Variants in TMEM120B observed in about 807,000 individuals in gnomAD.
TMEM120B encodes transmembrane protein 120B.
In TMEM120B, 31 loss-of-function variants were observed where a neutral mutation model predicts 55.5. The ratio of observed to expected loss-of-function variants is 0.56; its 90% CI spans 0.42 to 0.75. TMEM120B has a LOEUF of 0.75. Among genes scored for constraint, TMEM120B ranks in the 30% least tolerant of loss-of-function variants. The pLI is 0.00. For missense variants in TMEM120B, 399 were observed against 425.5 expected, an observed-to-expected ratio of 0.94 and a Z score of 0.55; for synonymous variants, 203 against 176.3, an observed-to-expected ratio of 1.15 and a Z score of -1.20.
In TMEM120B at chr12:121,781,477, A is replaced by G. The variant is rs1874454902; in HGVS notation, c.*5755A>G. 5.4e-6 allele frequency: 2 copies of G among 369,054 alleles called. No individual in the cohort carries two copies. Among genetic ancestry groups the G allele is most frequent in the African/African-American group, 2.1e-5 (1 of 48,254 alleles). The allele number at this position is 369,054 out of a possible 1,614,324, so 22.9% of individuals were successfully genotyped here. On this transcript the variant is annotated 3_prime_UTR_variant, in exon 12 of 12. Transcript: ENST00000449592. ...CAGAGCGAGACCCTGTCTCTTAACAACAAAACCCATGAGCGGCAGCCCCCC... is the reference window on the plus strand; with the variant it reads ...CAGAGCGAGACCCTGTCTCTTAACAGCAAAACCCATGAGCGGCAGCCCCCC...
At chr12:121,744,954 T>G (rs531077675) in intron 2 of TMEM120B, among the ~76,000 whole-genome samples, 1 of 151,868 alleles carries the variant, frequency 6.6e-6, no homozygotes, top group African/African-American at 2.4e-5. Flanking sequence ...GGGCTCAGAG[T>G]CTAGAGTTTC....
intron 1 of TMEM120B, among the ~76,000 whole-genome samples, chr12:121,734,022 T>C (rs1393715570): frequency 1.3e-5 from 2 of 152,156 alleles, no homozygotes; most frequent in Non-Finnish European, 2.9e-5. Context: ...AATTAAGTAG[T>C]TTCTTTGTCA....
intron 4 of TMEM120B, among the ~76,000 whole-genome samples, chr12:121,750,921 CCACA>C (rs1873285672): frequency 9.1e-6 from 1 of 109,714 alleles, no homozygotes. Context: ...CACCCCACAC[CCACA>C]CCTCACCCCA....
At chr12:121,723,915 C>T (rs1357195688) in intron 1 of TMEM120B, among the ~76,000 whole-genome samples, 1 of 151,910 alleles carries the variant, frequency 6.6e-6, no homozygotes, top group African/African-American at 2.4e-5. Flanking sequence ...ATCCTCCTGT[C>T]TCAGTCTCGC....
At chr12:121,719,859 C>A (rs1345914876) in intron 1 of TMEM120B, among the ~76,000 whole-genome samples, 2 of 152,128 alleles carry the variant, frequency 1.3e-5, no homozygotes, top group African/African-American at 4.8e-5. Context: ...TGCCACCACA[C>A]CTGGCTAATT....
intron 1 of TMEM120B, among the ~76,000 whole-genome samples, chr12:121,727,766 C>A (rs941331553): frequency 2.0e-5 from 3 of 146,974 alleles, no homozygotes; most frequent in Non-Finnish European, 4.5e-5. Flanking sequence ...CCCAGCTACT[C>A]GGGAGGCTGA....
chr12:121,745,667 C>A (rs1401487395), intron 2 of TMEM120B, among the ~76,000 whole-genome samples: 2 of 150,962 alleles, frequency 1.3e-5, no homozygotes, highest in African/African-American at 4.9e-5. Context: ...GCTGAGATTA[C>A]AGGTGTGAGC....
At chr12:121,757,146 G>GT (rs1348006583) in intron 5 of TMEM120B, among the ~76,000 whole-genome samples, 1 of 149,388 alleles carries the variant, frequency 6.7e-6, no homozygotes, top group African/African-American at 2.5e-5. Context: ...GCGGTGGGGG[G>GT]GGGGGGTGTC....
In TMEM120B at chr12:121,780,588, G is replaced by A; in HGVS notation, c.*4866G>A. 1 of 522,688 alleles carries A rather than the reference G, an allele frequency of 1.9e-6. No individual in the cohort carries two copies. The highest frequency in any genetic ancestry group is 3.4e-6 in the Non-Finnish European group (1 of 297,524). 32.4% of individuals were successfully genotyped at this position (522,688 alleles called of 1,614,324 possible). On this transcript the variant is annotated 3_prime_UTR_variant, in exon 12 of 12. Transcript: ENST00000449592. ...CAGATCCTGGCTCCACTTCTCGCTAGCTGTGTGGCCCTGGGCAAGCTGCTT... is the reference window on the plus strand; with the variant it reads ...CAGATCCTGGCTCCACTTCTCGCTAACTGTGTGGCCCTGGGCAAGCTGCTT...
At chr12:121,738,631 C>G (rs2137096571) in intron 1 of TMEM120B, among the ~76,000 whole-genome samples, 1 of 152,280 alleles carries the variant, frequency 6.6e-6, no homozygotes, top group South Asian at 2.1e-4. Context: ...AAAACACAGC[C>G]TTTCTCCACA....
intron 4 of TMEM120B, among the ~76,000 whole-genome samples, 179 bp downstream of exon 4, chr12:121,750,618 CA>C (rs368159616): frequency 2.6e-4 from 36 of 137,824 alleles, no homozygotes; most frequent in African/African-American, 7.4e-4. Context: ...ACACCAACAC[CA>C]ACACCACACC....
chr12:121,731,313 G>A (rs959087261), intron 1 of TMEM120B, among the ~76,000 whole-genome samples: 3 of 152,032 alleles, frequency 2.0e-5, no homozygotes, highest in East Asian at 1.9e-4. Context: ...GTGCAGTGGT[G>A]CGATCTAGGC....
chr12:121,765,121 T>TTTTC (rs201286179), intron 6 of TMEM120B, among the ~76,000 whole-genome samples: 10,982 of 148,166 alleles, frequency 0.074, 789 homozygotes, highest in African/African-American at 0.18. Flanking sequence ...CTTTTCTTTC[T>TTTTC]TTTCTTTCTT....
chr12:121,752,063 G>T, intron 4 of TMEM120B, 65 bp from the exon 5 acceptor site: 1 of 1,371,258 alleles, frequency 7.3e-7, no homozygotes, highest in Non-Finnish European at 1.0e-6. Flanking sequence ...GGGGCTGAGG[G>T]CCATGCCCAG....
chr12:121,727,507 A>G (rs1894918025), intron 1 of TMEM120B, among the ~76,000 whole-genome samples: 1 of 145,722 alleles, frequency 6.9e-6, no homozygotes, highest in Admixed American at 7.0e-5. Flanking sequence ...CTGCCCTTCC[A>G]GCCCGCATGA....
At chr12:121,766,467 G>A (rs905110925) in intron 6 of TMEM120B, among the ~76,000 whole-genome samples, 4 of 152,120 alleles carry the variant, frequency 2.6e-5, no homozygotes, top group African/African-American at 7.2e-5. Flanking sequence ...TTTCCCCTGC[G>A]ATGGCCCCCA....
At position 121,748,339 on chromosome 12, in the gene TMEM120B, G is replaced by T; in HGVS notation, c.202G>T (p.Ala68Ser). The stretch of plus-strand genomic sequence containing the variant: ...CTCTGTCCGCAGGTGCAAACGCCAT[G>T]CCAGTCGGGAGGAGGCGGAGCTCGT... The part of the protein sequence containing the change: ...KLTLQRCKRH[A>S]SREEAELVQQ... Residue 68 changes from alanine to serine, a missense_variant, in exon 3 of 12, where the codon GCC becomes TCC. By Grantham distance (99) the Ala-to-Ser change is moderately conservative. Around this residue, in one of 3 missense-constraint regions of TMEM120B, gnomAD observed 133 missense variants for 104.1 expected, o/e 1.28. Coordinates refer to ENST00000449592, the MANE Select transcript of TMEM120B (RefSeq NM_001080825.2). 1.2e-6 allele frequency: 2 copies of T among 1,610,450 alleles called. No homozygotes were observed. The highest frequency in any genetic ancestry group is 1.7e-6 in the Non-Finnish European group (2 of 1,178,242).
At position 121,770,922 on chromosome 12, in the gene TMEM120B, G is replaced by A; in HGVS notation, c.567G>A (p.Trp189Ter). 6.2e-7 allele frequency: 1 copy of A among 1,614,084 alleles called. No homozygotes were observed. Among genetic ancestry groups the A allele is most frequent in the East Asian group, 2.2e-5 (1 of 44,886 alleles). The change falls in exon 7 of 12, where the codon TGG becomes TGA. Residue 189 changes from tryptophan (W) to a stop codon, truncating the protein, a stop_gained. Coordinates refer to ENST00000449592, the MANE Select transcript of TMEM120B (RefSeq NM_001080825.2). LOFTEE classifies it high-confidence loss of function. ...ISNGSRIKGW[W>*]VSHHYVSTFL... ...CTCTCCCGAGAATTAAAGGCTGGTG[G>A]GTGTCTCACCACTACGTCTCCACAT...
At chr12:121,733,276 G>A (rs917222051) in intron 1 of TMEM120B, among the ~76,000 whole-genome samples, 4 of 151,748 alleles carry the variant, frequency 2.6e-5, no homozygotes, top group Non-Finnish European at 5.9e-5. Flanking sequence ...AGAGAGTCTC[G>A]CTCTGTTGCC....
Sources: gnomAD v4.1 joint callset for allele counts (sites outside exome capture counted in the v4.1 genomes callset) on GRCh38, gnomAD v4.1.1 for gene constraint, gnomAD v4.1.1 regional missense constraint, MANE v1.5 for transcripts, NCBI Gene and HGNC (gene_info 2026-07-23, HGNC 2026-07-21) for gene names.